Variants in BIRC3 observed in about 807,000 individuals in gnomAD.
The protein encoded by BIRC3 is baculoviral IAP repeat containing 3, also known as baculoviral IAP repeat-containing protein 3.
BIRC3 carries 26 observed loss-of-function variants against 59.0 expected under a neutral mutation model. The ratio of observed to expected loss-of-function variants is 0.44; its 90% confidence interval spans 0.32 to 0.61. The LOEUF (loss-of-function observed/expected upper bound fraction) is 0.61. BIRC3 is among the 20% of genes least tolerant of loss of function. BIRC3 has a pLI of 0.04. For synonymous variants in BIRC3, 243 were observed against 249.2 expected, an observed-to-expected ratio of 0.98 and a Z score of 0.24; for missense variants, 641 against 711.5, an observed-to-expected ratio of 0.90 and a Z score of 1.13.
At chr11:102,335,843 C>A in intron 6 of BIRC3, 123 bp from the exon 7 acceptor site, 1 of 990,040 alleles carries the variant, frequency 1.0e-6, no homozygotes, top group Non-Finnish European at 1.5e-6. Context: ...ACCTAGCAAT[C>A]AACATCAATG....
chr11:102,318,455 A>G (rs1387075074), intron 1 of BIRC3, among the ~76,000 whole-genome samples: 11 of 152,324 alleles, frequency 7.2e-5, no homozygotes, highest in African/African-American at 2.6e-4. Flanking sequence ...TACTTCTTCA[A>G]CGGGAAGTCT....
chr11:102,336,060 T>C lies in BIRC3; in HGVS notation c.1419T>C (p.Ile473=). Residue 473 remains isoleucine (I), a synonymous_variant, in exon 7 of 9, where the codon ATT becomes ATC. Transcript: ENST00000263464. ...PILDSLLTAG[I]INEQEHDVIK... ...TGGATAGTCTACTAACTGCCGGAAT[T>C]ATTAATGAACAAGAACATGATGTTA... The C allele has an allele frequency of 1.9e-6, 3 of 1,613,902 alleles. No individual in the cohort carries two copies. The highest frequency in any genetic ancestry group is 2.5e-6 in the Non-Finnish European group (3 of 1,179,918).
rs1180732396 is a variant in BIRC3, at chr11:102,325,341, A to C, written c.832A>C (p.Ser278Arg). 2 of 1,597,728 alleles carry C rather than the reference A, an allele frequency of 1.3e-6. No individual in the cohort carries two copies. The highest frequency in any genetic ancestry group is 2.3e-5 in the South Asian group (2 of 88,138). Residue 278 changes from serine to arginine, a missense_variant, in exon 2 of 9, where the codon AGT (serine) becomes CGT (arginine). This residue lies in a region of BIRC3 where 329 missense variants were observed against 365.6 expected (regional missense o/e 0.90). Transcript: ENST00000263464. ...SVLVNPEQLA[S>R]AGFYYVGNSD... ...TCTAGTTAATCCTGAGCAGCTTGCAAGTGCGGGTTTTTATTATGTGGGTAA... is the reference window on the plus strand; with the variant it reads ...TCTAGTTAATCCTGAGCAGCTTGCACGTGCGGGTTTTTATTATGTGGGTAA...
intron 3 of BIRC3, among the ~76,000 whole-genome samples, chr11:102,326,385 C>T (rs887007142): frequency 2.0e-5 from 3 of 152,164 alleles, no homozygotes; most frequent in Admixed American, 2.0e-4. Flanking sequence ...ATGTGTTACC[C>T]TTTTGATTGT....
rs1951132148 is a variant in BIRC3 at position 102,331,010 on chromosome 11, G to A, written c.1093G>A (p.Glu365Lys). The A allele has an allele frequency of 1.2e-6, 2 of 1,610,946 alleles. No homozygotes were observed. Among genetic ancestry groups the A allele is most frequent in the Non-Finnish European group, 1.7e-6 (2 of 1,179,020 alleles). Residue 365 changes from glutamate (E) to lysine (K), a missense_variant, in exon 6 of 9, where the codon GAA becomes AAA. Physicochemically the swap from Glu to Lys is moderately conservative, Grantham distance 56 (BLOSUM62 1). This residue lies in a region of BIRC3 where 268 missense variants were observed against 255.7 expected (regional missense o/e 1.05). Coordinates refer to ENST00000263464, the MANE Select transcript of BIRC3 (RefSeq NM_001165.5). ...TTTGTTCCATATAGTTATCCATTTT[G>A]AACCTGGAGAAGACCATTCAGAAGA... ...ENAESSIIHF[E>K]PGEDHSEDAI...
rs976251358 is a variant in BIRC3 at position 102,337,211 on chromosome 11, CA to C, written c.*115del. 9 of 777,024 alleles carry C rather than the reference CA, an allele frequency of 1.2e-5. No homozygotes were observed. The Admixed American group carries it at 3.2e-4, about 27-fold the overall frequency. 48.1% of individuals were successfully genotyped at this position (777,024 alleles called of 1,614,324 possible). A position where few individuals can be genotyped will look rare whatever the true frequency, so the allele number is the denominator to read the frequency against. ...TTAAAATTTTTATTTATTTACAACT[CA>C]AAAAACATTGTTTTGTGTAACATAT... On this transcript the variant is annotated 3_prime_UTR_variant, in exon 9 of 9. Coordinates refer to ENST00000263464, the MANE Select transcript of BIRC3 (RefSeq NM_001165.5).
At position 102,325,301 on chromosome 11, in the gene BIRC3, C is replaced by T; in HGVS notation, c.792C>T (p.Asn264=). The T allele has an allele frequency of 6.2e-7, 1 of 1,614,044 alleles. No individual in the cohort carries two copies. The highest frequency in any genetic ancestry group is 1.1e-5 in the South Asian group (1 of 91,068). ...THAARFKTFF[N]WPSSVLVNPE... is the part of the protein sequence containing the mutation. ...CAGCCCGCTTTAAAACATTCTTTAACTGGCCCTCTAGTGTTCTAGTTAATC... is the reference window on the plus strand; with the variant it reads ...CAGCCCGCTTTAAAACATTCTTTAATTGGCCCTCTAGTGTTCTAGTTAATC... Residue 264 remains asparagine, a synonymous_variant, in exon 2 of 9, where the codon AAC becomes AAT. Transcript: ENST00000263464.
chr11:102,328,379 A>G (rs1951105338), intron 4 of BIRC3, among the ~76,000 whole-genome samples: 1 of 152,256 alleles, frequency 6.6e-6, no homozygotes, highest in African/African-American at 2.4e-5. Context: ...ACTTCGAGAA[A>G]AAATGACTGG....
intron 6 of BIRC3, 21 bp from the exon 7 acceptor site, chr11:102,335,945 C>G: frequency 6.3e-7 from 1 of 1,594,558 alleles, no homozygotes; most frequent in Non-Finnish European, 8.5e-7. Context: ...CATGTTTATG[C>G]TTGTTTTCTT....
chr11:102,318,923 G>A (rs1951001903), intron 1 of BIRC3, among the ~76,000 whole-genome samples: 1 of 152,166 alleles, frequency 6.6e-6, no homozygotes, highest in Non-Finnish European at 1.5e-5. Flanking sequence ...CTGACTTAAT[G>A]AGTAAATGGG....
chr11:102,330,689 A>ATAATCT (rs770708478), intron 5 of BIRC3, among the ~76,000 whole-genome samples: 9 of 152,332 alleles, frequency 5.9e-5, no homozygotes, highest in East Asian at 1.9e-4. Flanking sequence ...ATAGGGAAAA[A>ATAATCT]TAATCTCAAT....
intron 1 of BIRC3, among the ~76,000 whole-genome samples, chr11:102,318,150 A>T (rs2135779433): frequency 6.6e-6 from 1 of 152,366 alleles, no homozygotes; most frequent in African/African-American, 2.4e-5. Context: ...AACATTAAGT[A>T]CTGCTACCTG....
At chr11:102,331,442 T>C (rs1039038946) in intron 6 of BIRC3, among the ~76,000 whole-genome samples, 1 of 152,230 alleles carries the variant, frequency 6.6e-6, no homozygotes. Context: ...CAAAAATGTA[T>C]GATGTACAAA....
chr11:102,333,806 T>G (rs1052765485), intron 6 of BIRC3, among the ~76,000 whole-genome samples: 1 of 151,692 alleles, frequency 6.6e-6, no homozygotes, highest in East Asian at 1.9e-4. Flanking sequence ...TAAGAAAAAA[T>G]TGTTTTAATT....
At position 102,336,915 on chromosome 11, in the gene BIRC3, C is replaced by T; in HGVS notation, c.1628C>T (p.Pro543Leu). Residue 543 changes from proline to leucine, a missense_variant, in exon 9 of 9, where the codon CCA becomes CTA. Physicochemically the swap from Pro to Leu is moderately conservative, Grantham distance 98. Around this residue, in one of 4 missense-constraint regions of BIRC3, gnomAD observed 268 missense variants for 255.7 expected, o/e 1.05. Transcript: ENST00000263464. ...AATTCTTTCCTCTTTCTAGATCTAC[C>T]AGTGGAAGAACAATTGCGGAGACTA... ...YIPTEDVSDL[P>L]VEEQLRRLQE... 6.3e-7 allele frequency: 1 copy of T among 1,598,404 alleles called. No individual in the cohort carries two copies. Among genetic ancestry groups the T allele is most frequent in the East Asian group, 2.2e-5 (1 of 44,668 alleles).
intron 1 of BIRC3, among the ~76,000 whole-genome samples, chr11:102,318,206 GT>G: frequency 6.6e-6 from 1 of 152,232 alleles, no homozygotes; most frequent in Non-Finnish European, 1.5e-5. Context: ...TATTTTTCAC[GT>G]TTAATTATCA....
chr11:102,336,370 T>A (rs765966229), intron 7 of BIRC3, 150 bp downstream of exon 7: 1 of 906,160 alleles, frequency 1.1e-6, no homozygotes, highest in Non-Finnish European at 1.6e-6. Context: ...GGCAGGTGGA[T>A]TGCTTGAGCC....
intron 1 of BIRC3, among the ~76,000 whole-genome samples, chr11:102,318,650 GC>G (rs1483592039): frequency 1.3e-5 from 2 of 152,210 alleles, no homozygotes; most frequent in Admixed American, 6.5e-5. Context: ...GGGTAGGGAT[GC>G]CCAACAGCCC....
chr11:102,335,913 A>C lies in BIRC3; in HGVS notation c.1325-53A>C. The C allele has an allele frequency of 2.6e-6, 4 of 1,536,854 alleles. No individual in the cohort carries two copies. The South Asian group carries it at 4.9e-5, about 19-fold the overall frequency. ...CTGCTATATATATAGGACTGGAAGG[A>C]AGTTTGTGAGCAGAGTTTGAACATG... On this transcript the variant is annotated intron_variant, in intron 6 of 8. Transcript: ENST00000263464.
Sources: gnomAD v4.1 joint callset for allele counts (sites outside exome capture counted in the v4.1 genomes callset) on GRCh38, gnomAD v4.1.1 for gene constraint, gnomAD v4.1.1 regional missense constraint, MANE v1.5 for transcripts, NCBI Gene and HGNC (gene_info 2026-07-23, HGNC 2026-07-21) for gene names.